The following ANKS1A variants were observed in gnomAD, a reference collection of about 807,000 sequenced individuals.
The protein encoded by ANKS1A is ankyrin repeat and sterile alpha motif domain containing 1A, also known as ankyrin repeat and SAM domain-containing protein 1A.
In ANKS1A, 55 loss-of-function variants were observed where a neutral mutation model predicts 120.3. That is an observed-to-expected ratio of 0.46 (90% CI 0.37 to 0.57). The LOEUF (loss-of-function observed/expected upper bound fraction) is 0.57. Among genes scored for constraint, ANKS1A ranks in the 20% least tolerant of loss-of-function variants. The probability of loss-of-function intolerance (pLI) is 0.00; values close to 1 mark genes in which losing one functional copy is unlikely to be tolerated. For missense variants in ANKS1A, 1,123 were observed against 1,480.3 expected, an observed-to-expected ratio of 0.76 and a Z score of 3.96; for synonymous variants, 590 against 604.7, an observed-to-expected ratio of 0.98 and a Z score of 0.36.
chr6:34,942,662 G>A (rs1406879503), intron 1 of ANKS1A, among the ~76,000 whole-genome samples: 1 of 151,972 alleles, frequency 6.6e-6, no homozygotes, highest in African/African-American at 2.4e-5. Flanking sequence ...GTTGATTCAT[G>A]TCTTTTTTCA....
At chr6:34,991,817 T>C (rs1407317793) in intron 9 of ANKS1A, among the ~76,000 whole-genome samples, 2 of 140,016 alleles carry the variant, frequency 1.4e-5, no homozygotes, top group Non-Finnish European at 3.1e-5. Context: ...CACACATATA[T>C]ATATGGCTTT....
chr6:34,948,872 A>T (rs1158040300), intron 1 of ANKS1A, among the ~76,000 whole-genome samples: 1 of 152,212 alleles, frequency 6.6e-6, no homozygotes, highest in East Asian at 1.9e-4. Context: ...ATCAGAGAAG[A>T]GCTGAGGACA....
At chr6:35,001,874 C>A (rs2127544539) in intron 10 of ANKS1A, among the ~76,000 whole-genome samples, 2 of 152,272 alleles carry the variant, frequency 1.3e-5, no homozygotes, top group Middle Eastern at 6.8e-3. Flanking sequence ...ACTGTAAGGC[C>A]CTGGCCAAGG....
intron 8 of ANKS1A, among the ~76,000 whole-genome samples, chr6:34,985,870 C>G (rs1158518465): frequency 6.6e-6 from 1 of 152,184 alleles, no homozygotes; most frequent in Admixed American, 6.5e-5. Context: ...TGAATTTTTC[C>G]TTCTCAAGGT....
chr6:34,936,531 A>G (rs1178989290), intron 1 of ANKS1A, among the ~76,000 whole-genome samples: 1 of 152,198 alleles, frequency 6.6e-6, no homozygotes, highest in Admixed American at 6.5e-5. Context: ...GTCTTCTTTC[A>G]ACAGTTCATT....
rs941204785 is a variant in ANKS1A, at chr6:35,009,754, T to C, written c.1424-7719T>C. 17 of 158,854 alleles carry C rather than the reference T, an allele frequency of 1.1e-4. No individual in the cohort carries two copies. In the South Asian group the frequency reaches 2.6e-3, roughly 24 times the overall value. 9.8% of individuals were successfully genotyped at this position (158,854 alleles called of 1,614,324 possible). A position where few individuals can be genotyped will look rare whatever the true frequency, so the allele number is the denominator to read the frequency against. On this transcript the variant is annotated intron_variant, in intron 10 of 23. Transcript: ENST00000360359. ...CCCATCTCTTCTAAAAATATGAAAA[T>C]TTACTGGGTGTGGTGGTGCAAGCCT...
In ANKS1A at chr6:35,050,586, C is replaced by T. The variant is rs1042918777; in HGVS notation, c.2011-3513C>T. On this transcript the variant is annotated intron_variant, in intron 11 of 23. Coordinates refer to ENST00000360359, the MANE Select transcript of ANKS1A (RefSeq NM_015245.3). This position sits in a 1 kb window ranked among gnomAD's most constrained non-coding sequence, Gnocchi z 4.3. ...CAGAATGATATCTGCTGTGTCTGAA[C>T]GCTCTTCTTTGTGTAGATTGAAATG... Among the ~76,000 whole-genome samples the T allele has an allele frequency of 2.2e-4, 33 of 152,250 alleles. No homozygotes were observed. Among genetic ancestry groups the T allele is most frequent in the African/African-American group, 7.0e-4 (29 of 41,542 alleles).
intron 11 of ANKS1A, among the ~76,000 whole-genome samples, chr6:35,030,705 C>T (rs1774866446): frequency 6.6e-6 from 1 of 152,160 alleles, no homozygotes. Context: ...ACTTCCACCC[C>T]ATCAATTCTG....
intron 1 of ANKS1A, among the ~76,000 whole-genome samples, chr6:34,944,368 A>G (rs544779482): frequency 9.9e-4 from 150 of 152,054 alleles, no homozygotes; most frequent in African/African-American, 3.1e-3. Flanking sequence ...ATTTGGTGTT[A>G]TGTTTTGGAT....
chr6:35,037,763 G>A (rs1437974595), intron 11 of ANKS1A, among the ~76,000 whole-genome samples: 1 of 152,186 alleles, frequency 6.6e-6, no homozygotes, highest in Non-Finnish European at 1.5e-5. Context: ...TTGGAAACTG[G>A]CAGATGGGAG....
chr6:34,993,516 G>A (rs1772684973), intron 9 of ANKS1A, among the ~76,000 whole-genome samples: 1 of 152,214 alleles, frequency 6.6e-6, no homozygotes, highest in African/African-American at 2.4e-5. Flanking sequence ...AAACTTTCTA[G>A]CCACTTGACT....
rs371582619 is a variant in ANKS1A, at chr6:35,039,228, C to T, written c.2011-14871C>T. On this transcript the variant is annotated intron_variant, in intron 11 of 23. Coordinates refer to ENST00000360359, the MANE Select transcript of ANKS1A (RefSeq NM_015245.3). Reference sequence around the variant, plus strand: ...TTTTTTTTTTTTTGAGATGGAGTTTCGCTCTTGTTGCCCAGGCTGGAGTGC... The same window carrying T: ...TTTTTTTTTTTTTGAGATGGAGTTTTGCTCTTGTTGCCCAGGCTGGAGTGC... 1.1e-4 allele frequency among the ~76,000 whole-genome samples: 10 copies of T among 94,174 alleles called. 1 individual carries two copies. The highest frequency in any genetic ancestry group is 3.3e-4 in the Admixed American group (2 of 6,132). 61.8% of individuals were successfully genotyped at this position (94,174 alleles called of 152,430 possible). A position where few individuals can be genotyped will look rare whatever the true frequency, so the allele number is the denominator to read the frequency against.
intron 11 of ANKS1A, among the ~76,000 whole-genome samples, chr6:35,035,692 G>A (rs1775130571): frequency 1.3e-5 from 2 of 152,204 alleles, no homozygotes; most frequent in African/African-American, 4.8e-5. Flanking sequence ...GGGCGAGTCG[G>A]GAATCAGCCT....
chr6:35,005,895 A>G (rs1030111950), intron 10 of ANKS1A: 1 of 339,210 alleles, frequency 2.9e-6, no homozygotes, highest in Non-Finnish European at 5.6e-6. Flanking sequence ...TCTACTAAAT[A>G]TACAAGAATT....
intron 23 of ANKS1A, 73 bp from the exon 24 acceptor site, chr6:35,088,533 T>C: frequency 1.3e-6 from 2 of 1,591,128 alleles, no homozygotes; most frequent in Non-Finnish European, 1.7e-6. Flanking sequence ...CTGTGTTTCC[T>C]TTCCATTTCC....
rs991187669 is a variant in ANKS1A, at chr6:35,050,758, G to A, written c.2011-3341G>A. ...CAGACACTCTGTGGTGCCAGGGTGGGGACCTGCCAATCTCTGCCCAAACAG... is the reference window on the plus strand; with the variant it reads ...CAGACACTCTGTGGTGCCAGGGTGGAGACCTGCCAATCTCTGCCCAAACAG... On this transcript the variant is annotated intron_variant, in intron 11 of 23. Coordinates refer to ENST00000360359, the MANE Select transcript of ANKS1A (RefSeq NM_015245.3). The surrounding 1 kb of genome is among the most constrained non-coding windows in gnomAD (Gnocchi z 4.3). Among the ~76,000 whole-genome samples the A allele has an allele frequency of 6.6e-6, 1 of 152,132 alleles. No individual in the cohort carries two copies. The highest frequency in any genetic ancestry group is 2.4e-5 in the African/African-American group (1 of 41,412).
intron 13 of ANKS1A, among the ~76,000 whole-genome samples, chr6:35,077,633 C>T (rs1037058892): frequency 1.3e-5 from 2 of 152,196 alleles, no homozygotes; most frequent in African/African-American, 4.8e-5. Context: ...AATCTGCTCA[C>T]ACTATCTTGT....
At chr6:34,943,469 AT>A (rs1278215257) in intron 1 of ANKS1A, among the ~76,000 whole-genome samples, 2 of 152,282 alleles carry the variant, frequency 1.3e-5, no homozygotes, top group East Asian at 3.9e-4. Flanking sequence ...TCTGTGTGTT[AT>A]ATAGTTCTAT....
Position 35,090,434 on chromosome 6 carries a change from C to T in ANKS1A, c.*1825C>T. On this transcript the variant is annotated 3_prime_UTR_variant, in exon 24 of 24. Transcript: ENST00000360359. ...CGGTAGGTCCGAAAGAAACCGCAGACACTACGATGCACTCCTCAAGCTGTC... is the reference window on the plus strand; with the variant it reads ...CGGTAGGTCCGAAAGAAACCGCAGATACTACGATGCACTCCTCAAGCTGTC... 1 of 1,184,346 alleles carries T rather than the reference C, an allele frequency of 8.4e-7. No homozygotes were observed. The highest frequency in any genetic ancestry group is 1.1e-6 in the Non-Finnish European group (1 of 938,462). 73.4% of individuals were successfully genotyped at this position (1,184,346 alleles called of 1,614,324 possible).
Sources: allele counts gnomAD v4.1 joint callset (sites outside exome capture counted in the v4.1 genomes callset), GRCh38; gene constraint gnomAD v4.1.1; non-coding constraint Gnocchi (gnomAD v3.1); transcripts MANE v1.5; gene names NCBI Gene and HGNC (gene_info 2026-07-23, HGNC 2026-07-21).